Variants in ADAM2 observed in about 807,000 individuals in gnomAD.
The protein encoded by ADAM2 is disintegrin and metalloproteinase domain-containing protein 2.
In ADAM2, 101 loss-of-function variants were observed where a neutral mutation model predicts 99.3. That is an observed-to-expected ratio of 1.02 (90% CI 0.87 to 1.20). The LOEUF is 1.20. Ranked by LOEUF, ADAM2 falls within the 50% of genes most tolerant of loss-of-function variation. The pLI is 0.00. For synonymous variants in ADAM2, 323 were observed against 287.6 expected, an observed-to-expected ratio of 1.12 and a Z score of -1.25; for missense variants, 948 against 878.7, an observed-to-expected ratio of 1.08 and a Z score of -1.00.
chr8:39,832,840 ATG>A, intron 3 of ADAM2, among the ~76,000 whole-genome samples: 1 of 152,030 alleles, frequency 6.6e-6, no homozygotes, highest in Non-Finnish European at 1.5e-5. Flanking sequence ...CATTATATGT[ATG>A]TAAGGTATAT....
intron 3 of ADAM2, among the ~76,000 whole-genome samples, chr8:39,826,954 A>G (rs1169367544): frequency 6.6e-6 from 1 of 152,084 alleles, no homozygotes; most frequent in Non-Finnish European, 1.5e-5. Context: ...CACCACCACA[A>G]AGAGACAACC....
intron 3 of ADAM2, among the ~76,000 whole-genome samples, chr8:39,827,980 A>T (rs1375092107): frequency 6.6e-6 from 1 of 151,970 alleles, no homozygotes; most frequent in Non-Finnish European, 1.5e-5. Context: ...TTTATATATA[A>T]TTTTTTCTGT....
intron 12 of ADAM2, 95 bp from the exon 13 acceptor site, chr8:39,767,346 A>C: frequency 6.7e-6 from 7 of 1,040,818 alleles, no homozygotes; most frequent in Non-Finnish European, 1.0e-5. Context: ...TAACATACAC[A>C]TAGGTGCTTA....
At chr8:39,805,833 T>C (rs1041157274) in intron 7 of ADAM2, among the ~76,000 whole-genome samples, 1 of 152,200 alleles carries the variant, frequency 6.6e-6, no homozygotes, top group Non-Finnish European at 1.5e-5. Flanking sequence ...TAAACATAGA[T>C]TGTGAAACTG....
At chr8:39,789,645 A>C (rs1034945247) in intron 7 of ADAM2, among the ~76,000 whole-genome samples, 1 of 151,834 alleles carries the variant, frequency 6.6e-6, no homozygotes, top group Admixed American at 6.6e-5. Flanking sequence ...TAACATTTAC[A>C]GTCAATTAAT....
chr8:39,750,392 T>C (rs1229973224), intron 16 of ADAM2, among the ~76,000 whole-genome samples: 1 of 152,094 alleles, frequency 6.6e-6, no homozygotes, highest in Non-Finnish European at 1.5e-5. Flanking sequence ...AAAAACTCGA[T>C]ATTATATGAA....
chr8:39,798,356 T>C (rs995279952), intron 7 of ADAM2, among the ~76,000 whole-genome samples: 16 of 152,254 alleles, frequency 1.1e-4, no homozygotes, highest in Admixed American at 1.0e-3. Context: ...GATTTAGGTA[T>C]GTTGAACCAG....
intron 16 of ADAM2, among the ~76,000 whole-genome samples, chr8:39,750,292 C>G (rs972224455): frequency 6.6e-6 from 1 of 151,926 alleles, no homozygotes; most frequent in Admixed American, 6.6e-5. Flanking sequence ...ATATTTGAGT[C>G]CTACAAATGT....
intron 3 of ADAM2, among the ~76,000 whole-genome samples, chr8:39,832,571 T>C (rs1235882032): frequency 6.6e-6 from 1 of 152,254 alleles, no homozygotes; most frequent in East Asian, 1.9e-4. Flanking sequence ...AAATGTTTGA[T>C]TTGTAATATT....
intron 10 of ADAM2, among the ~76,000 whole-genome samples, chr8:39,783,349 T>C (rs78222544): frequency 0.012 from 1,873 of 152,284 alleles, 47 homozygotes; most frequent in African/African-American, 0.043. Context: ...TGAGGTAGGT[T>C]GTTTTTTTCC....
At chr8:39,818,861 C>A (rs1019310543) in intron 6 of ADAM2, among the ~76,000 whole-genome samples, 2 of 151,842 alleles carry the variant, frequency 1.3e-5, no homozygotes, top group South Asian at 2.1e-4. Flanking sequence ...AAGACTTAGG[C>A]TTAAATATAT....
At chr8:39,768,700 C>T (rs1045846303) in intron 12 of ADAM2, among the ~76,000 whole-genome samples, 2 of 152,076 alleles carry the variant, frequency 1.3e-5, no homozygotes, top group Non-Finnish European at 2.9e-5. Flanking sequence ...GGCTTAAAAA[C>T]TAGGGAAGTA....
At chr8:39,760,082 G>T (rs1417669241) in intron 15 of ADAM2, among the ~76,000 whole-genome samples, 1 of 152,010 alleles carries the variant, frequency 6.6e-6, no homozygotes, top group Non-Finnish European at 1.5e-5. Flanking sequence ...GGCCAGGCTG[G>T]TCTCTAACTC....
At chr8:39,794,271 A>C (rs1389412801) in intron 7 of ADAM2, among the ~76,000 whole-genome samples, 1 of 152,166 alleles carries the variant, frequency 6.6e-6, no homozygotes, top group Non-Finnish European at 1.5e-5. Context: ...TATGTTAAGG[A>C]TCTCTAGTTA....
chr8:39,821,365 C>T (rs1246462610), intron 5 of ADAM2, among the ~76,000 whole-genome samples, 195 bp from the exon 6 acceptor site: 1 of 152,080 alleles, frequency 6.6e-6, no homozygotes, highest in South Asian at 2.1e-4. Context: ...TAGCATTTGC[C>T]TAGCTATTAA....
At chr8:39,765,625 T>C (rs951097228) in intron 14 of ADAM2, among the ~76,000 whole-genome samples, 6 of 152,250 alleles carry the variant, frequency 3.9e-5, no homozygotes, top group African/African-American at 1.4e-4. Flanking sequence ...TCTTTCTTTC[T>C]GCCTTTCTGT....
rs141257575 is a variant in ADAM2 at position 39,792,768 on chromosome 8, G to A, written c.571-4028C>T. On this transcript the variant is annotated intron_variant, in intron 7 of 20. Transcript: ENST00000265708. ...TTATAAATAGAAAAAGAATGAACCA[G>A]CCTCTGACTATAAGTTAAGATTAAA... 1.4e-4 allele frequency among the ~76,000 whole-genome samples: 21 copies of A among 152,172 alleles called. No homozygotes were observed. The East Asian group carries it at 4.1e-3, about 29-fold the overall frequency.
At chr8:39,784,880 C>T (rs1446095754) in intron 10 of ADAM2, among the ~76,000 whole-genome samples, 1 of 152,100 alleles carries the variant, frequency 6.6e-6, no homozygotes, top group African/African-American at 2.4e-5. Flanking sequence ...ATGTCTTTTG[C>T]CCATTTTTTA....
chr8:39,750,694 TA>T (rs1409112232), intron 16 of ADAM2, among the ~76,000 whole-genome samples: 1 of 152,024 alleles, frequency 6.6e-6, no homozygotes, highest in Non-Finnish European at 1.5e-5. Flanking sequence ...ATATGCATAG[TA>T]AAAAGAGATG....
Sources: allele counts gnomAD v4.1 joint callset (sites outside exome capture counted in the v4.1 genomes callset), GRCh38; gene constraint gnomAD v4.1.1; transcripts MANE v1.5; gene names NCBI Gene and HGNC (gene_info 2026-07-23, HGNC 2026-07-21).